STK3: variants seen among roughly 807,000 people sequenced by gnomAD.
STK3 encodes the protein serine/threonine-protein kinase 3.
Under a neutral mutation model 58.0 loss-of-function variants are expected in STK3, and 41 were observed. The ratio of observed to expected loss-of-function variants is 0.71; its 90% CI spans 0.55 to 0.92. The LOEUF (loss-of-function observed/expected upper bound fraction) is 0.92, where lower values mean the gene tolerates loss of function less well. STK3 is among the 40% of genes least tolerant of loss of function. STK3 has a pLI of 0.00. For synonymous variants in STK3, 170 were observed against 191.0 expected (o/e 0.89, Z 0.91); for missense variants, 479 against 602.7 (o/e 0.79, Z 2.15).
the STK3 span, among the ~76,000 whole-genome samples, chr8:98,344,829 C>G: frequency 7.6e-6 from 1 of 131,994 alleles, no homozygotes; most frequent in African/African-American, 2.8e-5. Flanking sequence ...GGAGGCGGAG[C>G]TTGCAGTGAG....
chr8:98,855,830 G>A (rs1836647578), intron 3 of STK3, among the ~76,000 whole-genome samples: 1 of 151,976 alleles, frequency 6.6e-6, no homozygotes, highest in African/African-American at 2.4e-5. Context: ...AGACAAGCTT[G>A]GCCAAAATGA....
At chr8:98,682,423 G>A (rs984359487) in intron 6 of STK3, among the ~76,000 whole-genome samples, 5 of 152,010 alleles carry the variant, frequency 3.3e-5, no homozygotes. Flanking sequence ...AGAGATTCAC[G>A]AGCATTCCAA....
chr8:98,818,857 G>A (rs188251922), intron 1 of STK3, among the ~76,000 whole-genome samples: 1 of 152,054 alleles, frequency 6.6e-6, no homozygotes, highest in Non-Finnish European at 1.5e-5. Flanking sequence ...CGGAGTCTCT[G>A]TCGCCCAGGC....
At chr8:98,870,926 G>A (rs990525721) in intron 3 of STK3, among the ~76,000 whole-genome samples, 11 of 152,148 alleles carry the variant, frequency 7.2e-5, no homozygotes, top group African/African-American at 2.7e-4. Context: ...CCATGCCTAT[G>A]GCCTGAATGG....
At chr8:98,535,874 G>T (rs1809717404) in intron 9 of STK3, among the ~76,000 whole-genome samples, 1 of 152,132 alleles carries the variant, frequency 6.6e-6, no homozygotes, top group Admixed American at 6.5e-5. Context: ...AAGATGGGCT[G>T]AGCAGGCATT....
At chr8:98,915,083 T>C (rs1459221890) in intron 1 of STK3, among the ~76,000 whole-genome samples, 2 of 152,060 alleles carry the variant, frequency 1.3e-5, no homozygotes, top group Non-Finnish European at 2.9e-5. Flanking sequence ...TAATACTAAG[T>C]GTTAACTTGA....
intron 10 of STK3, among the ~76,000 whole-genome samples, chr8:98,514,938 C>A (rs1824812921): frequency 6.6e-6 from 1 of 152,072 alleles, no homozygotes; most frequent in African/African-American, 2.4e-5. Context: ...TTCTTTATCT[C>A]AAACAATAGC....
the STK3 span, among the ~76,000 whole-genome samples, chr8:98,354,097 T>A: frequency 6.6e-6 from 1 of 152,204 alleles, no homozygotes; most frequent in Non-Finnish European, 1.5e-5. Context: ...ACCATTCATT[T>A]ATGGAAAGCC....
intron 3 of STK3, among the ~76,000 whole-genome samples, chr8:98,751,022 T>C (rs1047899677): frequency 4.6e-5 from 7 of 152,182 alleles, no homozygotes; most frequent in African/African-American, 1.7e-4. Context: ...TCTCAATAGA[T>C]ACAGAAAAGG....
intron 10 of STK3, among the ~76,000 whole-genome samples, chr8:98,458,670 G>A (rs937055361): frequency 1.4e-4 from 21 of 152,224 alleles, no homozygotes; most frequent in Middle Eastern, 3.4e-3. Context: ...TGGATCATGG[G>A]GGCAGTTTCC....
rs59159370 is a variant in STK3 at position 98,544,649 on chromosome 8, AACACACACACAC to A, written c.1141+3308_1141+3319del. On this transcript the variant is annotated intron_variant, in intron 9 of 10. Transcript: ENST00000419617. ...AGCTATGTATCTTTAATTCTACTATAACACACACACACACACACACACACACACACACACACA... is the reference window on the plus strand; with the variant it reads ...AGCTATGTATCTTTAATTCTACTATAACACACACACACACACACACACACA... Among the ~76,000 whole-genome samples, 348 of 137,590 alleles carry A rather than the reference AACACACACACAC, an allele frequency of 2.5e-3. 1 individual carries two copies. Among genetic ancestry groups the A allele is most frequent in the African/African-American group, 8.5e-3 (318 of 37,234 alleles). The allele number at this position is 137,590 out of a possible 152,430, so 90.3% of individuals were successfully genotyped here. A position where few individuals can be genotyped will look rare whatever the true frequency, so the allele number is the denominator to read the frequency against.
At chr8:98,565,125 A>T (rs1812369183) in intron 8 of STK3, among the ~76,000 whole-genome samples, 2 of 152,172 alleles carry the variant, frequency 1.3e-5, no homozygotes, top group Admixed American at 1.3e-4. Flanking sequence ...CACAAGGCCC[A>T]ACACTACAAC....
At chr8:98,599,523 C>G (rs1484100711) in intron 6 of STK3, among the ~76,000 whole-genome samples, 2 of 151,934 alleles carry the variant, frequency 1.3e-5, no homozygotes, top group Non-Finnish European at 2.9e-5. Context: ...CCCTGGCACT[C>G]TTTACCACGT....
intron 8 of STK3, among the ~76,000 whole-genome samples, chr8:98,554,519 T>A (rs1303779500): frequency 1.3e-5 from 2 of 152,130 alleles, no homozygotes; most frequent in Non-Finnish European, 2.9e-5. Context: ...TTAGATAAAA[T>A]TGTAAAAACA....
rs1819014400 is a variant in STK3, at chr8:98,447,653, G to GCAATACTATATATAGTATCTA, written n.186-10446_186-10445insTAGATACTATATATAGTATTG. On this transcript the variant is annotated intron_variant and non_coding_transcript_variant, in intron 1 of 3. Transcript: ENST00000517832. ...TATTGCAATACTATATATAGTATCTGTATATTGCAATACTATATATAGTAT... is the reference window on the plus strand; with the variant it reads ...TATTGCAATACTATATATAGTATCTGCAATACTATATATAGTATCTATATATTGCAATACTATATATAGTAT... Among the ~76,000 whole-genome samples the GCAATACTATATATAGTATCTA allele has an allele frequency of 1.7e-4, 20 of 118,096 alleles. 10 individuals are homozygous for GCAATACTATATATAGTATCTA. The highest frequency in any genetic ancestry group is 3.3e-4 in the Non-Finnish European group (18 of 54,570). 77.5% of individuals were successfully genotyped at this position (118,096 alleles called of 152,430 possible).
At chr8:98,507,572 T>C (rs1030057881) in intron 10 of STK3, among the ~76,000 whole-genome samples, 4 of 152,260 alleles carry the variant, frequency 2.6e-5, no homozygotes, top group Admixed American at 2.6e-4. Flanking sequence ...GTTATTTCTC[T>C]ATGGCTACAT....
chr8:98,496,258 A>G (rs1823127337), intron 10 of STK3, among the ~76,000 whole-genome samples: 1 of 152,176 alleles, frequency 6.6e-6, no homozygotes, highest in Non-Finnish European at 1.5e-5. Context: ...TATATGTAGA[A>G]AATCATAAGG....
chr8:98,635,353 ATTTC>A (rs1010606909), intron 6 of STK3, among the ~76,000 whole-genome samples: 9 of 152,170 alleles, frequency 5.9e-5, no homozygotes, highest in African/African-American at 2.2e-4. Flanking sequence ...TACAAAAATT[ATTTC>A]TTTTAATCCT....
intron 4 of STK3, among the ~76,000 whole-genome samples, chr8:98,724,914 G>A (rs370702583): frequency 1.3e-5 from 2 of 152,124 alleles, no homozygotes; most frequent in East Asian, 3.9e-4. Flanking sequence ...TAGCACTAAA[G>A]AATCATATAT....
Sources: gnomAD v4.1 joint callset for allele counts (sites outside exome capture counted in the v4.1 genomes callset) on GRCh38, gnomAD v4.1.1 for gene constraint, MANE v1.5 for transcripts, NCBI Gene and HGNC (gene_info 2026-07-23, HGNC 2026-07-21) for gene names.